The following HEXB variants were observed in gnomAD, a reference collection of about 807,000 sequenced individuals.
HEXB encodes hexosaminidase subunit beta, also known as beta-hexosaminidase subunit beta.
HEXB carries 51 observed loss-of-function variants against 71.2 expected under a neutral mutation model. The observed-to-expected ratio is 0.72, with a 90% CI of 0.57 to 0.90. The LOEUF is 0.90. Among genes scored for constraint, HEXB ranks in the 40% least tolerant of loss-of-function variants. The pLI is 0.00. For missense variants in HEXB, 617 were observed against 677.0 expected (o/e 0.91, Z 0.98); for synonymous variants, 266 against 249.3 (o/e 1.07, Z -0.63).
Position 74,713,644 on chromosome 5 carries a change from T to C in HEXB, c.901+9T>C. On this transcript the variant is annotated intron_variant, in intron 7 of 13. Transcript: ENST00000261416. ...ACTATCTTGGGGAAAAGGTAAGGAGTTGTATTTTATTTCATTTTATCTTAT... is the reference window on the plus strand; with the variant it reads ...ACTATCTTGGGGAAAAGGTAAGGAGCTGTATTTTATTTCATTTTATCTTAT... The C allele has an allele frequency of 6.2e-7, 1 of 1,606,562 alleles. No homozygotes were observed. Among genetic ancestry groups the C allele is most frequent in the Non-Finnish European group, 8.5e-7 (1 of 1,173,592 alleles).
chr5:74,649,884 A>T (rs544651370), intron 1 of HEXB, among the ~76,000 whole-genome samples: 1 of 152,256 alleles, frequency 6.6e-6, no homozygotes, highest in African/African-American at 2.4e-5. Flanking sequence ...GATCAGACAT[A>T]GTTCCTTAAC....
At chr5:74,648,399 G>A (rs1380606812) in intron 1 of HEXB, among the ~76,000 whole-genome samples, 1 of 152,100 alleles carries the variant, frequency 6.6e-6, no homozygotes, top group Admixed American at 6.5e-5. Context: ...ACACATGGAG[G>A]CACACTCAAA....
At chr5:74,704,516 G>C (rs1429716183) in intron 5 of HEXB, among the ~76,000 whole-genome samples, 1 of 152,048 alleles carries the variant, frequency 6.6e-6, no homozygotes, top group Non-Finnish European at 1.5e-5. Flanking sequence ...ATTCTTGGTT[G>C]GGACTCAAAT....
intron 1 of HEXB, among the ~76,000 whole-genome samples, chr5:74,676,101 C>T (rs1748625991): frequency 6.6e-6 from 1 of 152,208 alleles, no homozygotes; most frequent in South Asian, 2.1e-4. Context: ...AATGTGAATG[C>T]AATTCCTATC....
At chr5:74,712,613 C>T (rs1561225491) in intron 6 of HEXB, among the ~76,000 whole-genome samples, 1 of 152,132 alleles carries the variant, frequency 6.6e-6, no homozygotes, top group African/African-American at 2.4e-5. Context: ...CTCTTCCCAC[C>T]TTTTTCTCCT....
rs398123451 is a variant in HEXB, at chr5:74,713,629, G to C, written c.895G>C (p.Gly299Arg). The C allele has an allele frequency of 5.0e-6, 8 of 1,612,402 alleles. No individual in the cohort carries two copies. Among genetic ancestry groups the C allele is most frequent in the Non-Finnish European group, 5.1e-6 (6 of 1,178,676 alleles). The change falls in exon 7 of 14, where the codon GGA (glycine) becomes CGA (arginine). Residue 299 changes from glycine (G) to arginine (R), a missense_variant. By Grantham distance (125) the Gly-to-Arg change is moderately radical. Transcript: ENST00000261416. ...FDTPGHTLSW[G>R]KGQKDLLTPC... is the part of the protein sequence containing the mutation. ...TACCCCTGGGCATACACTATCTTGG[G>C]GAAAAGGTAAGGAGTTGTATTTTAT...
chr5:74,662,076 G>A (rs906389892), intron 1 of HEXB, among the ~76,000 whole-genome samples: 1 of 151,890 alleles, frequency 6.6e-6, no homozygotes, highest in African/African-American at 2.4e-5. Context: ...ACTTTTAGCT[G>A]AGCATTAAAT....
chr5:74,671,097 G>A (rs1748528703), intron 1 of HEXB, among the ~76,000 whole-genome samples: 1 of 152,152 alleles, frequency 6.6e-6, no homozygotes, highest in East Asian at 1.9e-4. Flanking sequence ...ATCCTCAAGG[G>A]ATAGGGTGGT....
upstream of HEXB, among the ~76,000 whole-genome samples, chr5:74,684,601 G>A (rs1473915107): frequency 2.0e-5 from 3 of 152,096 alleles, no homozygotes; most frequent in Admixed American, 2.0e-4. Flanking sequence ...CGCCCGTGTT[G>A]ACAGCGTGAG....
intron 5 of HEXB, among the ~76,000 whole-genome samples, chr5:74,700,223 G>A (rs1411451639): frequency 6.6e-6 from 1 of 151,348 alleles, no homozygotes; most frequent in East Asian, 1.9e-4. Flanking sequence ...GCCCAGGCTG[G>A]TCTCAAACTC....
At chr5:74,669,436 T>G (rs1431007572) in intron 1 of HEXB, among the ~76,000 whole-genome samples, 1 of 152,182 alleles carries the variant, frequency 6.6e-6, no homozygotes, top group East Asian at 1.9e-4. Context: ...TCAATAAATC[T>G]GGAATTAATT....
intron 3 of HEXB, among the ~76,000 whole-genome samples, chr5:74,694,392 G>A (rs1749065306): frequency 6.6e-6 from 1 of 152,090 alleles, no homozygotes; most frequent in African/African-American, 2.4e-5. Context: ...TTAAATTCCT[G>A]TAGATTTAGA....
intron 6 of HEXB, among the ~76,000 whole-genome samples, chr5:74,711,604 C>T (rs538267986): frequency 5.9e-5 from 9 of 152,112 alleles, no homozygotes; most frequent in African/African-American, 1.9e-4. Flanking sequence ...ACAAACAACC[C>T]CATCAAAAAG....
intron 1 of HEXB, among the ~76,000 whole-genome samples, chr5:74,644,632 G>A (rs1177920797): frequency 6.6e-6 from 1 of 152,026 alleles, no homozygotes; most frequent in African/African-American, 2.4e-5. Context: ...GTCTGGGGAA[G>A]ACAAAGGGTC....
At chr5:74,688,050 A>G (rs1748912149) in intron 1 of HEXB, among the ~76,000 whole-genome samples, 1 of 152,090 alleles carries the variant, frequency 6.6e-6, no homozygotes, top group Admixed American at 6.6e-5. Flanking sequence ...TTTGGATACC[A>G]AAAACAATTG....
chr5:74,685,209 C>A (rs886060748), upstream of HEXB: 152 of 1,452,674 alleles, frequency 1.0e-4, 1 homozygote, highest in East Asian at 3.7e-3. Context: ...GGCGGGAAGT[C>A]GGGTCCCGAG....
chr5:74,721,161 C>T lies in HEXB; in HGVS notation c.1657C>T (p.His553Tyr), dbSNP rs1227794829. The change falls in exon 14 of 14, where the codon CAT becomes TAT. Residue 553 changes from histidine (H) to tyrosine (Y), a missense_variant. His to Tyr is a moderately conservative substitution (Grantham distance 83). Transcript: ENST00000261416. ...AQPLYAGYCN[H>Y]ENM ...ACCTCTTTATGCTGGATATTGTAAC[C>T]ATGAGAACATGTAAAAAATGGAGGG... The T allele has an allele frequency of 6.2e-7, 1 of 1,612,896 alleles. No homozygotes were observed. Among genetic ancestry groups the T allele is most frequent in the Admixed American group, 1.7e-5 (1 of 60,004 alleles).
upstream of HEXB, among the ~76,000 whole-genome samples, chr5:74,684,321 A>G (rs533968087): frequency 3.3e-5 from 5 of 152,334 alleles, no homozygotes; most frequent in African/African-American, 1.2e-4. Flanking sequence ...TATGAAATCA[A>G]ACTTGTCAGT....
upstream of HEXB, among the ~76,000 whole-genome samples, chr5:74,680,970 T>A (rs542468768): frequency 5.3e-5 from 8 of 152,376 alleles, no homozygotes; most frequent in South Asian, 1.7e-3. Flanking sequence ...CTTTTTCATA[T>A]TTCAGTCATC....
Sources: gnomAD v4.1 joint callset for allele counts (sites outside exome capture counted in the v4.1 genomes callset) on GRCh38, gnomAD v4.1.1 for gene constraint, MANE v1.5 for transcripts, NCBI Gene and HGNC (gene_info 2026-07-23, HGNC 2026-07-21) for gene names.